RUNDC3B: variants seen among roughly 807,000 people sequenced by gnomAD.
RUNDC3B encodes RUN domain containing 3B, also known as RUN domain-containing protein 3B.
A neutral mutation model predicts 58.4 loss-of-function variants in RUNDC3B; 33 were observed. The ratio of observed to expected loss-of-function variants is 0.56; its 90% CI spans 0.43 to 0.75. RUNDC3B has a LOEUF of 0.75. Among genes scored for constraint, RUNDC3B ranks in the 30% least tolerant of loss-of-function variants. The pLI, the probability that RUNDC3B is intolerant of heterozygous loss-of-function variation, is 0.00. For synonymous variants in RUNDC3B, 193 were observed against 195.2 expected (o/e 0.99, Z 0.10); for missense variants, 501 against 535.7 (o/e 0.94, Z 0.64).
chr7:87,824,401 C>G (rs1837679994), intron 10 of RUNDC3B, among the ~76,000 whole-genome samples: 1 of 152,142 alleles, frequency 6.6e-6, no homozygotes, highest in Non-Finnish European at 1.5e-5. Flanking sequence ...TGAGATGTGC[C>G]TTTCACCTTC....
At chr7:87,816,100 G>C (rs892111639) in intron 9 of RUNDC3B, 41 bp from the exon 10 acceptor site, 2 of 1,437,078 alleles carry the variant, frequency 1.4e-6, no homozygotes, top group African/African-American at 2.9e-5. Flanking sequence ...TTATTTTTTT[G>C]TGAAAAGAAA....
chr7:87,630,244 T>C (rs1821078476), intron 1 of RUNDC3B, among the ~76,000 whole-genome samples: 1 of 152,238 alleles, frequency 6.6e-6, no homozygotes, highest in African/African-American at 2.4e-5. Context: ...GGAATACAGA[T>C]AATTATTCCA....
Position 87,712,692 on chromosome 7 carries a change from A to G in RUNDC3B, c.458+2037A>G, listed in dbSNP as rs554461834. On this transcript the variant is annotated intron_variant, in intron 4 of 10. Transcript: ENST00000394654. ...TCTGCCTTGTTCTTAAGTGTTAACC[A>G]TGCTTTTTCATAGAAAGGAAATGAT... Among the ~76,000 whole-genome samples the G allele has an allele frequency of 5.9e-5, 9 of 152,212 alleles. No individual in the cohort carries two copies. In the East Asian group the frequency reaches 1.5e-3, roughly 26 times the overall value.
At chr7:87,826,273 G>A (rs758163932) in intron 10 of RUNDC3B, among the ~76,000 whole-genome samples, 4 of 152,032 alleles carry the variant, frequency 2.6e-5, no homozygotes, top group Non-Finnish European at 5.9e-5. Context: ...TGAGTCTCAC[G>A]AAATCTGATG....
At chr7:87,822,417 G>A (rs1231878838) in intron 10 of RUNDC3B, among the ~76,000 whole-genome samples, 3 of 152,278 alleles carry the variant, frequency 2.0e-5, no homozygotes, top group South Asian at 2.1e-4. Flanking sequence ...TGGAAAAATA[G>A]GAACACTTTT....
chr7:87,670,940 T>C (rs138071684), intron 2 of RUNDC3B, among the ~76,000 whole-genome samples: 1 of 152,360 alleles, frequency 6.6e-6, no homozygotes, highest in East Asian at 1.9e-4. Flanking sequence ...TTGGTACTTC[T>C]GGGCTGCCCA....
intron 2 of RUNDC3B, among the ~76,000 whole-genome samples, chr7:87,672,045 G>A (rs1395461148): frequency 3.9e-5 from 6 of 152,050 alleles, no homozygotes; most frequent in Non-Finnish European, 7.4e-5. Flanking sequence ...TTCTGCCCCT[G>A]GTCTGCTCAG....
chr7:87,810,755 G>A (rs572604174), intron 9 of RUNDC3B, among the ~76,000 whole-genome samples: 14 of 152,102 alleles, frequency 9.2e-5, no homozygotes, highest in African/African-American at 3.4e-4. Flanking sequence ...AGTTAGACCC[G>A]GCAAGCTATG....
At chr7:87,786,246 C>T (rs1349989417) in intron 8 of RUNDC3B, among the ~76,000 whole-genome samples, 1 of 152,068 alleles carries the variant, frequency 6.6e-6, no homozygotes. Flanking sequence ...CCACTTCCTC[C>T]TTCCAGTGTT....
At chr7:87,826,563 G>T (rs1363743131) in intron 10 of RUNDC3B, among the ~76,000 whole-genome samples, 1 of 151,962 alleles carries the variant, frequency 6.6e-6, no homozygotes, top group Admixed American at 6.6e-5. Flanking sequence ...GAATGAAAAT[G>T]AGATAAAGAA....
At chr7:87,738,148 G>A (rs1832095248) in intron 4 of RUNDC3B, among the ~76,000 whole-genome samples, 1 of 151,978 alleles carries the variant, frequency 6.6e-6, no homozygotes, top group Non-Finnish European at 1.5e-5. Context: ...AAAAAAACAA[G>A]ATTCTTTTCC....
intron 8 of RUNDC3B, among the ~76,000 whole-genome samples, chr7:87,798,305 A>G (rs1220210695): frequency 6.6e-6 from 1 of 152,214 alleles, no homozygotes; most frequent in Non-Finnish European, 1.5e-5. Flanking sequence ...AGTTAGAAAG[A>G]TGATTAGGTT....
At chr7:87,796,625 G>A (rs889100480) in intron 8 of RUNDC3B, among the ~76,000 whole-genome samples, 1 of 152,036 alleles carries the variant, frequency 6.6e-6, no homozygotes, top group South Asian at 2.1e-4. Flanking sequence ...AGAAATTCTG[G>A]AGGCCAGAAG....
intron 6 of RUNDC3B, among the ~76,000 whole-genome samples, chr7:87,756,064 G>T (rs559302572): frequency 6.6e-6 from 1 of 152,090 alleles, no homozygotes; most frequent in Non-Finnish European, 1.5e-5. Flanking sequence ...GGCAGGGCAG[G>T]GCAGGATTAT....
chr7:87,659,633 T>C (rs1352954786), intron 2 of RUNDC3B, among the ~76,000 whole-genome samples: 2 of 152,188 alleles, frequency 1.3e-5, no homozygotes, highest in African/African-American at 4.8e-5. Flanking sequence ...TTGTTGTTCC[T>C]GTATTTATAG....
intron 9 of RUNDC3B, among the ~76,000 whole-genome samples, chr7:87,810,529 G>A (rs1314416417): frequency 1.3e-5 from 2 of 152,114 alleles, no homozygotes; most frequent in Non-Finnish European, 2.9e-5. Context: ...ACAGCCTTAG[G>A]CTAATGGCCT....
intron 3 of RUNDC3B, among the ~76,000 whole-genome samples, chr7:87,706,646 C>T (rs1265246658): frequency 6.6e-6 from 1 of 152,058 alleles, no homozygotes; most frequent in Admixed American, 6.5e-5. Flanking sequence ...TTTGCTTTAG[C>T]CTAAAGTTGT....
At chr7:87,700,295 G>A (rs1464362496) in intron 2 of RUNDC3B, 126 bp from the exon 3 acceptor site, 5 of 696,252 alleles carry the variant, frequency 7.2e-6, no homozygotes, top group Non-Finnish European at 1.1e-5. Flanking sequence ...CACCTAGATT[G>A]GTGGTGCCCT....
In RUNDC3B at chr7:87,741,536, C is replaced by T; in HGVS notation, c.586C>T (p.Pro196Ser). ...LKGEGLDGSFPAVIDYTPYLK... is the reference protein window; with the variant it reads ...LKGEGLDGSFSAVIDYTPYLK... ...GGGAGAGGGGCTGGATGGCAGTTTT[C>T]CTGCTGTAATAGACTATACACCATA... The change falls in exon 6 of 11, where the codon CCT becomes TCT. Residue 196 changes from proline to serine, a missense_variant. Pro to Ser is a moderately conservative substitution (Grantham distance 74). Transcript: ENST00000394654. 1 of 1,589,350 alleles carries T rather than the reference C, an allele frequency of 6.3e-7. No individual in the cohort carries two copies. Among genetic ancestry groups the T allele is most frequent in the Non-Finnish European group, 8.6e-7 (1 of 1,162,760 alleles).
Sources: gnomAD v4.1 joint callset for allele counts (sites outside exome capture counted in the v4.1 genomes callset) on GRCh38, gnomAD v4.1.1 for gene constraint, MANE v1.5 for transcripts, NCBI Gene and HGNC (gene_info 2026-07-23, HGNC 2026-07-21) for gene names.